The following VWF variants were observed in gnomAD, a reference collection of about 807,000 sequenced individuals.
The protein encoded by VWF is Factor VIII related antigen.
A neutral mutation model predicts 308.6 loss-of-function variants in VWF; 176 were observed. That is an observed-to-expected ratio of 0.57 (90% CI 0.50 to 0.65). The LOEUF (loss-of-function observed/expected upper bound fraction) is 0.65, where lower values mean the gene tolerates loss of function less well. Ranked by LOEUF, VWF falls within the 30% of genes least tolerant of loss-of-function variation. The probability of loss-of-function intolerance (pLI) is 0.00; values close to 1 mark genes in which losing one functional copy is unlikely to be tolerated. For synonymous variants in VWF, 1,385 were observed against 1,443.4 expected, an observed-to-expected ratio of 0.96 and a Z score of 0.92; for missense variants, 3,146 against 3,648.2, an observed-to-expected ratio of 0.86 and a Z score of 3.55.
intron 47 of VWF, among the ~76,000 whole-genome samples, chr12:5,963,748 C>T (rs1943345007): frequency 6.6e-6 from 1 of 152,182 alleles, no homozygotes; most frequent in Non-Finnish European, 1.5e-5. Flanking sequence ...GCAATCATAG[C>T]TCAGCGCAGC....
At chr12:6,026,194 C>T (rs1156655660) in intron 22 of VWF, 148 bp from the exon 23 acceptor site, 7 of 1,154,998 alleles carry the variant, frequency 6.1e-6, no homozygotes, top group Non-Finnish European at 7.5e-6. Context: ...AGAGGAGGCC[C>T]GAGGTGAGCA....
chr12:5,998,493 AAAAAAATATATATATATATATAT>A (rs1943835426), intron 34 of VWF, among the ~76,000 whole-genome samples: 1 of 37,948 alleles, frequency 2.6e-5, no homozygotes, highest in Non-Finnish European at 4.5e-5. Flanking sequence ...AAAAAAAAAA[AAAAAAATATATATATATATATAT>A]ATATATATAT....
intron 6 of VWF, among the ~76,000 whole-genome samples, chr12:6,093,105 G>C (rs1321822388): frequency 6.6e-6 from 1 of 152,140 alleles, no homozygotes; most frequent in Non-Finnish European, 1.5e-5. Context: ...TGAACCTTGT[G>C]ATTCTTCAGT....
At chr12:6,097,044 T>G (rs1378919736) in intron 5 of VWF, among the ~76,000 whole-genome samples, 5 of 152,190 alleles carry the variant, frequency 3.3e-5, no homozygotes, top group Non-Finnish European at 7.3e-5. Context: ...AAATATTATC[T>G]CATATGGCAA....
At chr12:5,971,774 C>T (rs1441982096) in intron 43 of VWF, 65 bp from the exon 44 acceptor site, 92 of 1,373,406 alleles carry the variant, frequency 6.7e-5, no homozygotes, top group Non-Finnish European at 8.7e-5. Flanking sequence ...CTCTTACCTA[C>T]GCCTCCTGCG....
At position 6,025,511 on chromosome 12, in the gene VWF, C is replaced by T. The variant is rs569419538; in HGVS notation, c.3222+69G>A. The T allele has an allele frequency of 3.9e-6, 5 of 1,270,852 alleles. No individual in the cohort carries two copies. In the African/African-American group the frequency reaches 5.9e-5, roughly 15 times the overall value. 78.7% of individuals were successfully genotyped at this position (1,270,852 alleles called of 1,614,324 possible). A position where few individuals can be genotyped will look rare whatever the true frequency, so the allele number is the denominator to read the frequency against. On this transcript the variant is annotated intron_variant, in intron 24 of 51. Transcript: ENST00000261405. The stretch of plus-strand genomic sequence containing the variant: ...GGGTAGTGTCCACGTTAGAAGGTCA[C>T]ACTCTGTGTCCATACCACCAGGCCA...
chr12:5,952,726 C>T (rs1943205920), intron 48 of VWF, among the ~76,000 whole-genome samples: 1 of 152,186 alleles, frequency 6.6e-6, no homozygotes. Context: ...AACAGGGCTG[C>T]TATGTAGACT....
In VWF at chr12:5,993,970, G is replaced by T; in HGVS notation, c.6490C>A (p.Gln2164Lys). 1 of 1,614,184 alleles carries T rather than the reference G, an allele frequency of 6.2e-7. No homozygotes were observed. The highest frequency in any genetic ancestry group is 8.5e-7 in the Non-Finnish European group (1 of 1,180,044). The change falls in exon 37 of 52, where the codon CAG becomes AAG. Residue 2164 changes from glutamine (Q) to lysine (K), a missense_variant. Physicochemically the swap from Gln to Lys is moderately conservative, Grantham distance 53. Around this residue, in one of 3 missense-constraint regions of VWF, gnomAD observed 989 missense variants for 1,117.4 expected, o/e 0.89. Transcript: ENST00000261405. Reference protein sequence around the residue: ...LAPATFYAICQQDSCHQEQVC... With the variant: ...LAPATFYAICKQDSCHQEQVC... ...TGCTCCTGGTGGCAACTGTCCTGCT[G>T]GCAGATGGCATAGAATGTGGCTGGA...
At chr12:5,985,193 T>G in intron 39 of VWF, 74 bp from the exon 40 acceptor site, 1 of 1,495,990 alleles carries the variant, frequency 6.7e-7, no homozygotes, top group South Asian at 1.1e-5. Context: ...TGAAATGTTC[T>G]TGCTCACTGA....
At chr12:6,052,064 C>T (rs551791832) in intron 16 of VWF, among the ~76,000 whole-genome samples, 8 of 152,326 alleles carry the variant, frequency 5.3e-5, no homozygotes, top group African/African-American at 1.7e-4. Context: ...AGGCAAAGAG[C>T]TGCAGGAAGC....
chr12:5,953,873 T>C, intron 47 of VWF: 1 of 427,486 alleles, frequency 2.3e-6, no homozygotes, highest in Admixed American at 3.6e-5. Context: ...AATTGTTTAC[T>C]GGACAATTAT....
chr12:6,035,111 C>T (rs187090602), intron 19 of VWF, among the ~76,000 whole-genome samples: 41 of 152,270 alleles, frequency 2.7e-4, no homozygotes, highest in South Asian at 1.5e-3. Flanking sequence ...GGAGGAGGCC[C>T]GGATGCTCTT....
At position 5,994,569 on chromosome 12, in the gene VWF, C is replaced by A; in HGVS notation, c.6102G>T (p.Val2034=). 2 of 1,613,884 alleles carry A rather than the reference C, an allele frequency of 1.2e-6. No homozygotes were observed. The highest frequency in any genetic ancestry group is 1.7e-6 in the Non-Finnish European group (2 of 1,179,852). ...VNGRLVSVPY[V]GGNMEVNVYG... is the part of the protein sequence containing the mutation. The stretch of plus-strand genomic sequence containing the variant: ...AAACGTTGACTTCCATGTTCCCACC[C>A]ACGTAAGGAACAGAGACCAGTCTCC... The change falls in exon 36 of 52, where the codon GTG becomes GTT. Residue 2034 remains valine, a synonymous_variant. Transcript: ENST00000261405.
chr12:6,092,269 C>CT (rs935518834), intron 6 of VWF, among the ~76,000 whole-genome samples: 1 of 152,114 alleles, frequency 6.6e-6, no homozygotes, highest in Non-Finnish European at 1.5e-5. Flanking sequence ...CTCTCCCTCG[C>CT]TAACCACCAT....
intron 47 of VWF, among the ~76,000 whole-genome samples, chr12:5,964,270 A>ACATACATACATG (rs1307022766): frequency 7.2e-6 from 1 of 139,064 alleles, no homozygotes; most frequent in Non-Finnish European, 1.5e-5. Context: ...ATACATACAT[A>ACATACATACATG]CATGCATACA....
At chr12:6,044,141 C>T in intron 18 of VWF, 150 bp downstream of exon 18, 2 of 1,019,120 alleles carry the variant, frequency 2.0e-6, no homozygotes, top group Non-Finnish European at 1.4e-6. Flanking sequence ...AGAGCCTCCC[C>T]TCCTCCATGC....
At chr12:5,968,078 C>T in intron 46 of VWF, 49 bp downstream of exon 46, 2 of 1,612,948 alleles carry the variant, frequency 1.2e-6, no homozygotes, top group Admixed American at 3.3e-5. Flanking sequence ...CCACAGTACC[C>T]CCTTCCCTGT....
rs565372101 is a variant in VWF at position 6,075,513 on chromosome 12, C to T, written c.696G>A (p.Ser232=). 8.7e-6 allele frequency: 14 copies of T among 1,614,150 alleles called. No homozygotes were observed. The highest frequency in any genetic ancestry group is 3.3e-5 in the Admixed American group (2 of 60,024). ...WEQCQLLKST[S]VFARCHPLVD... ...CCAGAGGGTGGCAGCGGGCAAACACCGAGGTGCTCTTCAGAAGCTGGCACT... is the reference window on the plus strand; with the variant it reads ...CCAGAGGGTGGCAGCGGGCAAACACTGAGGTGCTCTTCAGAAGCTGGCACT... The change falls in exon 7 of 52, where the codon TCG becomes TCA. Residue 232 remains serine, a synonymous_variant. Coordinates refer to ENST00000261405, the MANE Select transcript of VWF (RefSeq NM_000552.5). This position sits in a 1 kb window ranked among gnomAD's most constrained non-coding sequence, Gnocchi z 4.7.
At chr12:5,951,753 C>G in intron 50 of VWF, 91 bp downstream of exon 50, 1 of 1,373,716 alleles carries the variant, frequency 7.3e-7, no homozygotes, top group South Asian at 1.2e-5. Flanking sequence ...AGTCATGCGG[C>G]TTGCTAATGG....
Sources: gnomAD v4.1 joint callset for allele counts (sites outside exome capture counted in the v4.1 genomes callset) on GRCh38, gnomAD v4.1.1 for gene constraint, gnomAD v4.1.1 regional missense constraint, Gnocchi (gnomAD v3.1) non-coding constraint, MANE v1.5 for transcripts, NCBI Gene and HGNC (gene_info 2026-07-23, HGNC 2026-07-21) for gene names.